CR1: variants seen among roughly 807,000 people sequenced by gnomAD.
CR1 encodes complement C3b/C4b receptor 1 (Knops blood group), also known as complement receptor type 1.
A neutral mutation model predicts 187.3 loss-of-function variants in CR1; 116 were observed. That is an observed-to-expected ratio of 0.62 (90% CI 0.53 to 0.72). CR1 has a LOEUF of 0.72. CR1 is among the 30% of genes least tolerant of loss of function. The pLI is 0.00. For missense variants in CR1, 1,731 were observed against 2,110.7 expected, an observed-to-expected ratio of 0.82 and a Z score of 3.52; for synonymous variants, 576 against 747.1, an observed-to-expected ratio of 0.77 and a Z score of 3.73.
At chr1:207,593,564 C>CT (rs1320233887) in intron 35 of CR1, among the ~76,000 whole-genome samples, 1 of 152,172 alleles carries the variant, frequency 6.6e-6, no homozygotes, top group Non-Finnish European at 1.5e-5. Context: ...GACTTCATTA[C>CT]TAAAACACCA....
intron 24 of CR1, among the ~76,000 whole-genome samples, chr1:207,566,544 A>T (rs759777789): frequency 7.1e-4 from 107 of 150,234 alleles, no homozygotes; most frequent in Admixed American, 5.9e-4. Context: ...GAAAAAAAAT[A>T]AATTCAATGC....
At chr1:207,567,597 C>T (rs373341890) in intron 24 of CR1, among the ~76,000 whole-genome samples, 4 of 150,420 alleles carry the variant, frequency 2.7e-5, no homozygotes, top group Non-Finnish European at 4.4e-5. Context: ...AAAGTTTCTA[C>T]TGTCCAGGAA....
chr1:207,578,022 T>C lies in CR1; in HGVS notation c.4755T>C (p.Pro1585=), dbSNP rs892665981. The change falls in exon 29 of 47, where the codon CCT becomes CCC. Residue 1585 remains proline, a synonymous_variant. Coordinates refer to ENST00000367049, the MANE Select transcript of CR1 (RefSeq NM_000651.6). ...GCCCCGCCCCTCAGTGCATTATACCTAACAAATGCACGCCTCCAAATGTGG... is the reference window on the plus strand; with the variant it reads ...GCCCCGCCCCTCAGTGCATTATACCCAACAAATGCACGCCTCCAAATGTGG... The part of the protein sequence containing the change: ...WSGPAPQCII[P]NKCTPPNVEN... 6 of 1,611,606 alleles carry C rather than the reference T, an allele frequency of 3.7e-6. No homozygotes were observed. In the African/African-American group the frequency reaches 8.0e-5, roughly 22 times the overall value.
intron 36 of CR1, among the ~76,000 whole-genome samples, chr1:207,608,401 ATAAT>A (rs960230589): frequency 2.0e-5 from 3 of 152,232 alleles, no homozygotes; most frequent in African/African-American, 7.2e-5. Context: ...CTAAGAGGAT[ATAAT>A]TAAATTGTTA....
chr1:207,630,796 A>G (rs1408077), intron 46 of CR1, among the ~76,000 whole-genome samples, 175 bp downstream of exon 46: 1 of 152,032 alleles, frequency 6.6e-6, no homozygotes, highest in Non-Finnish European at 1.5e-5. Flanking sequence ...GTCATTTCCA[A>G]TGTTTTGGGG....
At chr1:207,603,259 G>A (rs1410228233) in intron 35 of CR1, among the ~76,000 whole-genome samples, 1 of 152,034 alleles carries the variant, frequency 6.6e-6, no homozygotes, top group South Asian at 2.1e-4. Context: ...CTACTTCTAC[G>A]AGTTCAACTA....
rs139203101 is a variant in CR1, at chr1:207,521,624, CTTTTTTTTTTT to C, written c.488-1971_488-1961del. Reference sequence around the variant, plus strand: ...TTTATTTTCCAAATCTGCCCTCTTCCTTTTTTTTTTTTTTTTTTTTTTTTTTGAGACAGGGT... The same window carrying C: ...TTTATTTTCCAAATCTGCCCTCTTCCTTTTTTTTTTTTTTTGAGACAGGGT... On this transcript the variant is annotated intron_variant, in intron 4 of 46. Coordinates refer to ENST00000367049, the MANE Select transcript of CR1 (RefSeq NM_000651.6). Among the ~76,000 whole-genome samples the C allele has an allele frequency of 4.5e-5, 4 of 88,306 alleles. 1 individual carries two copies. Among genetic ancestry groups the C allele is most frequent in the Admixed American group, 4.1e-4 (3 of 7,356 alleles). The allele number at this position is 88,306 out of a possible 152,430, so 57.9% of individuals were successfully genotyped here.
At chr1:207,502,402 G>A (rs1269772403) in intron 1 of CR1, among the ~76,000 whole-genome samples, 3 of 152,160 alleles carry the variant, frequency 2.0e-5, no homozygotes, top group Admixed American at 6.5e-5. Flanking sequence ...GAGATTGGGT[G>A]TGTTCAGGGT....
At chr1:207,502,797 T>G (rs1659311886) in intron 1 of CR1, among the ~76,000 whole-genome samples, 2 of 152,192 alleles carry the variant, frequency 1.3e-5, no homozygotes. Flanking sequence ...CTAAAGCCAT[T>G]GACAACAGGG....
At chr1:207,587,612 G>C in intron 34 of CR1, 47 bp downstream of exon 34, 2 of 1,565,002 alleles carry the variant, frequency 1.3e-6, no homozygotes, top group Non-Finnish European at 1.7e-6. Context: ...TTAAAGCATA[G>C]GTGGGACCGG....
rs980848557 is a variant in CR1 at position 207,641,736 on chromosome 1, A to T, written c.*2327A>T. 2.6e-5 allele frequency: 4 copies of T among 152,232 alleles called. No individual in the cohort carries two copies. Among genetic ancestry groups the T allele is most frequent in the Non-Finnish European group, 5.9e-5 (4 of 68,036 alleles). The allele number at this position is 152,232 out of a possible 1,614,324, so 9.4% of individuals were successfully genotyped here. ...TCTGTCTCTACCATTGTAATGAGAA[A>T]GGAATAAAATACTTTATTTTGCAAA... On this transcript the variant is annotated 3_prime_UTR_variant, in exon 47 of 47. Transcript: ENST00000367049.
At chr1:207,574,424 C>T (rs1442831452) in intron 27 of CR1, among the ~76,000 whole-genome samples, 1 of 152,132 alleles carries the variant, frequency 6.6e-6, no homozygotes, top group Non-Finnish European at 1.5e-5. Flanking sequence ...TCCAGATACA[C>T]ATTAAAGGAT....
chr1:207,631,578 T>C (rs1473971208), intron 46 of CR1, among the ~76,000 whole-genome samples: 10 of 152,096 alleles, frequency 6.6e-5, no homozygotes, highest in African/African-American at 2.2e-4. Context: ...TTCCCAGGCC[T>C]CTCTCTCTCA....
intron 27 of CR1, among the ~76,000 whole-genome samples, chr1:207,572,426 C>A (rs1336501370): frequency 6.6e-6 from 1 of 151,766 alleles, no homozygotes; most frequent in Non-Finnish European, 1.5e-5. Flanking sequence ...CCTCCACCAA[C>A]AAAAAGATTA....
rs770602678 is a variant in CR1 at position 207,618,210 on chromosome 1, C to A, written c.7029C>A (p.Asp2343Glu). The change falls in exon 42 of 47, where the codon GAC becomes GAA. Residue 2343 changes from aspartate (D) to glutamate (E), a missense_variant. By Grantham distance (45) the Asp-to-Glu change is conservative. Transcript: ENST00000367049. ...LVGKGFIFCT[D>E]QGIWSQLDHY... ...GAAAGGGCTTCATTTTCTGTACAGA[C>A]CAGGGAATCTGGAGCCAATTGGATC... is the stretch of plus-strand genomic sequence containing the variant. The A allele has an allele frequency of 6.2e-6, 10 of 1,613,718 alleles. No homozygotes were observed. The highest frequency in any genetic ancestry group is 7.6e-6 in the Non-Finnish European group (9 of 1,179,742).
At chr1:207,520,968 G>GTTTTTTTTTTTTTTTTTTT (rs141546660) in intron 4 of CR1, among the ~76,000 whole-genome samples, 1 of 44,570 alleles carries the variant, frequency 2.2e-5, no homozygotes, top group Non-Finnish European at 3.8e-5. Flanking sequence ...TTTTTTGGTT[G>GTTTTTTTTTTTTTTTTTTT]TTTTTTTTTT....
At chr1:207,517,543 ATTAT>A (rs1438167499) in intron 4 of CR1, among the ~76,000 whole-genome samples, 1 of 152,062 alleles carries the variant, frequency 6.6e-6, no homozygotes, top group Non-Finnish European at 1.5e-5. Flanking sequence ...TGTGTTAAAA[ATTAT>A]TTATTTTTTC....
At chr1:207,597,917 A>C (rs1329766428) in intron 35 of CR1, among the ~76,000 whole-genome samples, 1 of 152,250 alleles carries the variant, frequency 6.6e-6, no homozygotes, top group Admixed American at 6.5e-5. Flanking sequence ...CTTCAGCTAT[A>C]CAAAGGAATA....
At chr1:207,519,199 T>C (rs1322679685) in intron 4 of CR1, among the ~76,000 whole-genome samples, 1 of 152,232 alleles carries the variant, frequency 6.6e-6, no homozygotes, top group East Asian at 1.9e-4. Context: ...TTCTTTGTCT[T>C]ATATTTAAAG....
Sources: gnomAD v4.1 joint callset for allele counts (sites outside exome capture counted in the v4.1 genomes callset) on GRCh38, gnomAD v4.1.1 for gene constraint, MANE v1.5 for transcripts, NCBI Gene and HGNC (gene_info 2026-07-23, HGNC 2026-07-21) for gene names.